Variants in EBPL observed in about 807,000 individuals in gnomAD.
EBPL encodes emopamil-binding protein-like.
Under a neutral mutation model 19.0 loss-of-function variants are expected in EBPL, and 20 were observed. The ratio of observed to expected loss-of-function variants is 1.05; its 90% CI spans 0.74 to 1.53. EBPL has a LOEUF of 1.53. EBPL is among the 40% of genes most tolerant of loss of function. The probability of loss-of-function intolerance (pLI) is 0.00; values close to 1 mark genes in which losing one functional copy is unlikely to be tolerated. For synonymous variants in EBPL, 107 were observed against 117.0 expected (o/e 0.91, Z 0.55); for missense variants, 219 against 261.1 (o/e 0.84, Z 1.11).
intron 3 of EBPL, 37 bp from the exon 4 acceptor site, chr13:49,661,245 C>T (rs1965142928): frequency 4.5e-6 from 7 of 1,546,594 alleles, no homozygotes; most frequent in Non-Finnish European, 4.4e-6. Context: ...GAACCACCAG[C>T]TTGGCACAGT....
intron 1 of EBPL, among the ~76,000 whole-genome samples, chr13:49,671,902 CCTATGAGT>C (rs1953820577): frequency 2.0e-5 from 3 of 152,334 alleles, no homozygotes; most frequent in Admixed American, 2.0e-4. Context: ...CATGCAGGAA[CCTATGAGT>C]CTATAACAAA....
At chr13:49,671,125 A>C (rs1223581249) in intron 1 of EBPL, among the ~76,000 whole-genome samples, 1 of 152,098 alleles carries the variant, frequency 6.6e-6, no homozygotes, top group Non-Finnish European at 1.5e-5. Flanking sequence ...TAATGCTGCA[A>C]ATGAAGTATC....
chr13:49,680,590 G>A (rs753454452), intron 1 of EBPL, among the ~76,000 whole-genome samples: 1 of 152,170 alleles, frequency 6.6e-6, no homozygotes, highest in South Asian at 2.1e-4. Flanking sequence ...TTGGGAGGCC[G>A]AGGTGGACAG....
At chr13:49,675,053 G>A (rs1953861577) in intron 1 of EBPL, among the ~76,000 whole-genome samples, 1 of 152,176 alleles carries the variant, frequency 6.6e-6, no homozygotes, top group Non-Finnish European at 1.5e-5. Context: ...TCGTGTAAGT[G>A]AAATGAGACC....
chr13:49,680,476 C>T (rs1052083667), intron 1 of EBPL, among the ~76,000 whole-genome samples: 1 of 152,206 alleles, frequency 6.6e-6, no homozygotes, highest in Non-Finnish European at 1.5e-5. Context: ...AATCTGCTCA[C>T]TGATACTGTA....
chr13:49,682,597 T>A (rs1227111507), intron 1 of EBPL, among the ~76,000 whole-genome samples: 1 of 152,236 alleles, frequency 6.6e-6, no homozygotes, highest in Non-Finnish European at 1.5e-5. Context: ...TGGTTACCAA[T>A]ACAGAATCTT....
At chr13:49,687,411 T>G (rs569594259) in intron 1 of EBPL, among the ~76,000 whole-genome samples, 17 of 152,308 alleles carry the variant, frequency 1.1e-4, no homozygotes, top group Admixed American at 2.6e-4. Flanking sequence ...CTCCATCCTT[T>G]CCAATCCAAC....
chr13:49,686,387 T>C, intron 1 of EBPL: 1 of 1,201,766 alleles, frequency 8.3e-7, no homozygotes, highest in Non-Finnish European at 1.1e-6. Flanking sequence ...GCTTCTCCTC[T>C]ACCTGGCCTA....
rs535697786 is a variant in EBPL at position 49,677,920 on chromosome 13, C to A, written c.172-8074G>T. ...CTGGCCTCAGGAGTGAAGCTGCAGA[C>A]CTTCGCAGTGTTACAGCTCACAAAG... On this transcript the variant is annotated intron_variant, in intron 1 of 3. Coordinates refer to ENST00000242827, the MANE Select transcript of EBPL (RefSeq NM_032565.5). Among the ~76,000 whole-genome samples the A allele has an allele frequency of 8.5e-5, 13 of 152,268 alleles. 1 individual carries two copies. In the East Asian group the frequency reaches 2.3e-3, roughly 27 times the overall value.
chr13:49,683,035 G>A (rs539539275), intron 1 of EBPL, among the ~76,000 whole-genome samples: 15 of 152,016 alleles, frequency 9.9e-5, no homozygotes, highest in South Asian at 4.1e-4. Context: ...GTGCAGTGGC[G>A]CCATCTTGGC....
chr13:49,673,754 T>C (rs1446431540), intron 1 of EBPL, among the ~76,000 whole-genome samples: 1 of 152,154 alleles, frequency 6.6e-6, no homozygotes, highest in Admixed American at 6.5e-5. Flanking sequence ...TACATTTATA[T>C]AACATTTTTC....
chr13:49,672,422 A>T (rs1953827491), intron 1 of EBPL, among the ~76,000 whole-genome samples: 1 of 152,194 alleles, frequency 6.6e-6, no homozygotes. Context: ...GCCCTCCTAC[A>T]CAGAAACTTG....
chr13:49,682,185 G>A lies in EBPL; in HGVS notation c.171+9069C>T, dbSNP rs985229411. Among the ~76,000 whole-genome samples, 6 of 151,996 alleles carry A rather than the reference G, an allele frequency of 3.9e-5. 1 individual carries two copies. Among genetic ancestry groups the A allele is most frequent in the Middle Eastern group, 6.3e-3 (2 of 316 alleles). On this transcript the variant is annotated intron_variant, in intron 1 of 3. Coordinates refer to ENST00000242827, the MANE Select transcript of EBPL (RefSeq NM_032565.5). ...AGCCAGTTGTCACCTAACATTCACA[G>A]GAGACCACACTGGTCTCTTTCAGAA... is the stretch of plus-strand genomic sequence containing the variant.
intron 3 of EBPL, among the ~76,000 whole-genome samples, chr13:49,662,445 G>C (rs761993236): frequency 6.6e-6 from 1 of 152,196 alleles, no homozygotes; most frequent in Non-Finnish European, 1.5e-5. Flanking sequence ...GGGGGAAAAG[G>C]ATGGACGTAT....
chr13:49,666,005 G>A (rs992759567), intron 2 of EBPL, among the ~76,000 whole-genome samples: 8 of 152,292 alleles, frequency 5.3e-5, no homozygotes, highest in Admixed American at 5.2e-4. Flanking sequence ...CACAAGACCC[G>A]ACACTGGGCA....
In EBPL at chr13:49,661,050, G is replaced by A. The variant is rs61747169; in HGVS notation, c.539C>T (p.Pro180Leu). The A allele has an allele frequency of 1.1e-3, 1,696 of 1,614,114 alleles. 1 individual carries two copies. The highest frequency in any genetic ancestry group is 1.1e-3 in the Non-Finnish European group (1,309 of 1,180,020). Reference protein sequence around the residue: ...FFFNGVWVLIPGLLLWQSWLE... With the variant: ...FFFNGVWVLILGLLLWQSWLE... ...CCATGACTGCCACAGTAGCAGTCCT[G>A]GGATCAGAACCCACACACCGTTAAA... Residue 180 changes from proline (P) to leucine (L), a missense_variant, in exon 4 of 4, where the codon CCA (proline) becomes CTA (leucine). Physicochemically the swap from Pro to Leu is moderately conservative, Grantham distance 98. Around this residue, in one of 2 missense-constraint regions of EBPL, gnomAD observed 49 missense variants for 94.1 expected, o/e 0.52. Coordinates refer to ENST00000242827, the MANE Select transcript of EBPL (RefSeq NM_032565.5).
chr13:49,666,520 G>A (rs561792083), intron 2 of EBPL, among the ~76,000 whole-genome samples: 132 of 152,140 alleles, frequency 8.7e-4, no homozygotes, highest in African/African-American at 2.7e-3. Context: ...AGACCAGCTT[G>A]GCTAACATGG....
chr13:49,669,656 T>A, intron 2 of EBPL, 121 bp downstream of exon 2: 1 of 822,316 alleles, frequency 1.2e-6, no homozygotes, highest in Admixed American at 2.4e-5. Context: ...CTCTACAGAC[T>A]CACCTATTCT....
chr13:49,674,263 T>C (rs1169502876), intron 1 of EBPL, among the ~76,000 whole-genome samples: 1 of 151,900 alleles, frequency 6.6e-6, no homozygotes, highest in African/African-American at 2.4e-5. Context: ...CCACCATGCC[T>C]GGCTAATTTT....
Sources: allele counts gnomAD v4.1 joint callset (sites outside exome capture counted in the v4.1 genomes callset), GRCh38; gene constraint gnomAD v4.1.1; regional missense constraint gnomAD v4.1.1; transcripts MANE v1.5; gene names NCBI Gene and HGNC (gene_info 2026-07-23, HGNC 2026-07-21).